SEL1L: variants seen among roughly 807,000 people sequenced by gnomAD.
SEL1L encodes SEL1L adaptor subunit of SYVN1 ubiquitin ligase, also known as protein sel-1 homolog 1.
SEL1L carries 52 observed loss-of-function variants against 109.8 expected under a neutral mutation model. That is an observed-to-expected ratio of 0.47 (90% confidence interval 0.38 to 0.60). The LOEUF (loss-of-function observed/expected upper bound fraction) is 0.60, where lower values mean the gene tolerates loss of function less well. SEL1L is among the 20% of genes least tolerant of loss of function. The pLI is 0.00. For synonymous variants in SEL1L, 373 were observed against 339.6 expected (o/e 1.10, Z -1.08); for missense variants, 749 against 962.2 (o/e 0.78, Z 2.93).
At chr14:81,504,108 T>C in intron 5 of SEL1L, 93 bp downstream of exon 5, 2 of 678,066 alleles carry the variant, frequency 2.9e-6, no homozygotes, top group Non-Finnish European at 4.8e-6. Flanking sequence ...ATCTTCTGCG[T>C]CTCTGGCAGT....
At chr14:81,481,098 T>C (rs1463646995) in intron 19 of SEL1L, among the ~76,000 whole-genome samples, 1 of 152,214 alleles carries the variant, frequency 6.6e-6, no homozygotes, top group African/African-American at 2.4e-5. Flanking sequence ...TATTAGGGCA[T>C]CTTGTGTTTC....
At position 81,473,723 on chromosome 14, in the gene SEL1L, G is replaced by GA. The variant is rs1187848803; in HGVS notation, c.*3248dup. 4 of 152,072 alleles carry GA rather than the reference G, an allele frequency of 2.6e-5. No individual in the cohort carries two copies. In the East Asian group the frequency reaches 7.7e-4, roughly 29 times the overall value. 9.4% of individuals were successfully genotyped at this position (152,072 alleles called of 1,614,324 possible). ...AATGTTAGTCCGAACCTCTGTAAAG[G>GA]AAGTTTTTGCGTATGTAGTTAGACA... On this transcript the variant is annotated 3_prime_UTR_variant, in exon 21 of 21. Coordinates refer to ENST00000336735, the MANE Select transcript of SEL1L (RefSeq NM_005065.6).
chr14:81,500,675 C>A (rs1883967299), intron 6 of SEL1L, among the ~76,000 whole-genome samples: 1 of 152,114 alleles, frequency 6.6e-6, no homozygotes, highest in East Asian at 1.9e-4. Flanking sequence ...ATAGGTACAT[C>A]AGCATATTTC....
intron 3 of SEL1L, among the ~76,000 whole-genome samples, chr14:81,515,138 T>A (rs959329334): frequency 2.6e-5 from 4 of 151,898 alleles, no homozygotes; most frequent in African/African-American, 4.8e-5. Context: ...AGCAAAGAAA[T>A]CTCCAAAGGA....
intron 12 of SEL1L, 113 bp from the exon 13 acceptor site, chr14:81,490,578 AT>A: frequency 1.2e-6 from 1 of 812,200 alleles, no homozygotes; most frequent in Non-Finnish European, 2.0e-6. Context: ...TTTCCAAAAA[AT>A]TTAGAATTCC....
chr14:81,502,924 T>C, intron 5 of SEL1L, 41 bp from the exon 6 acceptor site: 1 of 1,521,624 alleles, frequency 6.6e-7, no homozygotes, highest in African/African-American at 1.4e-5. Flanking sequence ...AGTAATGTTT[T>C]GAAACTGCCA....
chr14:81,492,092 G>A (rs1309608651), intron 12 of SEL1L, among the ~76,000 whole-genome samples: 4 of 151,420 alleles, frequency 2.6e-5, no homozygotes, highest in Non-Finnish European at 4.4e-5. Flanking sequence ...GCGTGGTCTC[G>A]ACTTACTGTA....
At chr14:81,527,607 C>G in intron 2 of SEL1L, 94 bp downstream of exon 2, 1 of 804,182 alleles carries the variant, frequency 1.2e-6, no homozygotes, top group South Asian at 2.4e-5. Flanking sequence ...AACTGTTACT[C>G]AAAAGTTGCA....
rs150973493 is a variant in SEL1L, at chr14:81,513,192, C to T, written c.341-6951G>A. Among the ~76,000 whole-genome samples, 371 of 152,330 alleles carry T rather than the reference C, an allele frequency of 2.4e-3. 4 individuals are homozygous for T. The highest frequency in any genetic ancestry group is 8.4e-3 in the African/African-American group (350 of 41,578). ...TCTCTGTAAAATGGACCAATCAGCG[C>T]TCCGTAAAATGGACCAATTAGCAGG... is the stretch of plus-strand genomic sequence containing the variant. On this transcript the variant is annotated intron_variant, in intron 3 of 20. Transcript: ENST00000336735.
chr14:81,472,841 A>G lies in SEL1L; in HGVS notation c.*4131T>C, dbSNP rs558165848. On this transcript the variant is annotated 3_prime_UTR_variant, in exon 21 of 21. Transcript: ENST00000336735. The stretch of plus-strand genomic sequence containing the variant: ...AGAAGCTTCTGAATTTCCAAAAAAC[A>G]TTAAAAAATTGAATCATTCAGCTTA... The G allele has an allele frequency of 1.3e-5, 3 of 233,044 alleles. No homozygotes were observed. In the South Asian group the frequency reaches 1.5e-4, roughly 12 times the overall value. 14.4% of individuals were successfully genotyped at this position (233,044 alleles called of 1,614,324 possible). A position where few individuals can be genotyped will look rare whatever the true frequency, so the allele number is the denominator to read the frequency against.
Position 81,472,666 on chromosome 14 carries a change from C to T in SEL1L, c.*4306G>A. 1.0e-5 allele frequency: 4 copies of T among 398,506 alleles called. No individual in the cohort carries two copies. Among genetic ancestry groups the T allele is most frequent in the Admixed American group, 7.0e-5 (2 of 28,496 alleles). 24.7% of individuals were successfully genotyped at this position (398,506 alleles called of 1,614,324 possible). On this transcript the variant is annotated 3_prime_UTR_variant, in exon 21 of 21. Coordinates refer to ENST00000336735, the MANE Select transcript of SEL1L (RefSeq NM_005065.6). ...GAATCACGCTTACTACATATCAAGG[C>T]TGCTTCAAGACAAAGATATCAGAGA...
At position 81,487,969 on chromosome 14, in the gene SEL1L, G is replaced by C. The variant is rs1167156755; in HGVS notation, c.1396-27C>G. On this transcript the variant is annotated intron_variant, in intron 14 of 20. Transcript: ENST00000336735. ...TGTAGAAAAAGATGTCATATGATGAGAAAGCTCAAAAGGCAGACATACTCA... is the reference window on the plus strand; with the variant it reads ...TGTAGAAAAAGATGTCATATGATGACAAAGCTCAAAAGGCAGACATACTCA... 2.6e-6 allele frequency: 4 copies of C among 1,561,644 alleles called. No individual in the cohort carries two copies. The African/African-American group carries it at 5.4e-5, about 21-fold the overall frequency.
rs889077785 is a variant in SEL1L, at chr14:81,473,639, G to A, written c.*3333C>T. 6.6e-6 allele frequency: 1 copy of A among 152,112 alleles called. No individual in the cohort carries two copies. Among genetic ancestry groups the A allele is most frequent in the Admixed American group, 6.6e-5 (1 of 15,266 alleles). 9.4% of individuals were successfully genotyped at this position (152,112 alleles called of 1,614,324 possible). ...CTGTCACTGAAATATAGCCCTGCTT[G>A]TCTTGGCAGGTAAAGGGGCTGTTTT... On this transcript the variant is annotated 3_prime_UTR_variant, in exon 21 of 21. Coordinates refer to ENST00000336735, the MANE Select transcript of SEL1L (RefSeq NM_005065.6).
intron 9 of SEL1L, 110 bp downstream of exon 9, chr14:81,498,303 C>A (rs1566975665): frequency 1.1e-6 from 1 of 926,780 alleles, no homozygotes; most frequent in Admixed American, 2.9e-5. Context: ...GATGAGTCCA[C>A]ATAAAAGAGC....
chr14:81,508,527 A>G (rs1884333029), intron 3 of SEL1L, among the ~76,000 whole-genome samples: 1 of 152,076 alleles, frequency 6.6e-6, no homozygotes, highest in South Asian at 2.1e-4. Context: ...TGGGCAGATC[A>G]CTTGAACCCA....
chr14:81,497,116 A>C lies in SEL1L; in HGVS notation c.1128+776T>G, dbSNP rs572783131. ...AATTTTAAGTAAACTAAATTTTACA[A>C]TAATGTAAAAATAAGATGTTTAATT... On this transcript the variant is annotated intron_variant, in intron 10 of 20. Coordinates refer to ENST00000336735, the MANE Select transcript of SEL1L (RefSeq NM_005065.6). Among the ~76,000 whole-genome samples, 31 of 152,368 alleles carry C rather than the reference A, an allele frequency of 2.0e-4. No individual in the cohort carries two copies. In the Middle Eastern group the frequency reaches 0.014, roughly 67 times the overall value.
rs1363517299 is a variant in SEL1L at position 81,472,808 on chromosome 14, A to C, written c.*4164T>G. The stretch of plus-strand genomic sequence containing the variant: ...GATAAATTCAAATTGCCACAAGTGA[A>C]TGTTTTCAGAAGCTTCTGAATTTCC... On this transcript the variant is annotated 3_prime_UTR_variant, in exon 21 of 21. Coordinates refer to ENST00000336735, the MANE Select transcript of SEL1L (RefSeq NM_005065.6). 1 of 211,732 alleles carries C rather than the reference A, an allele frequency of 4.7e-6. No individual in the cohort carries two copies. The highest frequency in any genetic ancestry group is 9.6e-6 in the Non-Finnish European group (1 of 103,682). 13.1% of individuals were successfully genotyped at this position (211,732 alleles called of 1,614,324 possible). A position where few individuals can be genotyped will look rare whatever the true frequency, so the allele number is the denominator to read the frequency against.
chr14:81,475,488 A>C lies in SEL1L; in HGVS notation c.*1484T>G, dbSNP rs1903129308. 2 of 152,390 alleles carry C rather than the reference A, an allele frequency of 1.3e-5. No individual in the cohort carries two copies. Among genetic ancestry groups the C allele is most frequent in the African/African-American group, 2.4e-5 (1 of 41,444 alleles). 9.4% of individuals were successfully genotyped at this position (152,390 alleles called of 1,614,324 possible). A position where few individuals can be genotyped will look rare whatever the true frequency, so the allele number is the denominator to read the frequency against. ...AAGCAGTACAACTCTACAAGCAATA[A>C]ACTTTTCAAGTTTTCTGGCAGATGA... On this transcript the variant is annotated 3_prime_UTR_variant, in exon 21 of 21. Transcript: ENST00000336735.
At chr14:81,526,484 G>A (rs1163455131) in intron 3 of SEL1L, among the ~76,000 whole-genome samples, 1 of 151,980 alleles carries the variant, frequency 6.6e-6, no homozygotes, top group South Asian at 2.1e-4. Context: ...AAAAAGAAAC[G>A]TCAGGATATT....
Sources: allele counts gnomAD v4.1 joint callset (sites outside exome capture counted in the v4.1 genomes callset), GRCh38; gene constraint gnomAD v4.1.1; transcripts MANE v1.5; gene names NCBI Gene and HGNC (gene_info 2026-07-23, HGNC 2026-07-21).